LRRC4C: variants seen among roughly 807,000 people sequenced by gnomAD.
LRRC4C encodes leucine rich repeat containing 4C.
LRRC4C carries 5 observed loss-of-function variants against 33.6 expected under a neutral mutation model. The observed-to-expected ratio is 0.15, with a 90% CI of 0.08 to 0.31. The LOEUF is 0.31. Among genes scored for constraint, LRRC4C ranks in the 10% least tolerant of loss-of-function variants. The probability of loss-of-function intolerance (pLI) is 1.00; values close to 1 mark genes in which losing one functional copy is unlikely to be tolerated. For synonymous variants in LRRC4C, 329 were observed against 302.0 expected (o/e 1.09, Z -0.93); for missense variants, 560 against 796.7 (o/e 0.70, Z 3.58).
chr11:41,210,581 G>C (rs1311350129), intron 1 of LRRC4C, among the ~76,000 whole-genome samples: 3 of 151,966 alleles, frequency 2.0e-5, no homozygotes, highest in Non-Finnish European at 4.4e-5. Flanking sequence ...ATGATCCTTT[G>C]GTCATAATGG....
intron 3 of LRRC4C, among the ~76,000 whole-genome samples, chr11:40,420,499 A>G (rs1431574469): frequency 6.6e-6 from 1 of 152,016 alleles, no homozygotes; most frequent in Admixed American, 6.5e-5. Flanking sequence ...TCTGAACTCT[A>G]TCTCCATTTG....
rs11036273 is a variant in LRRC4C at position 41,179,457 on chromosome 11, G to A, written c.-495-245734C>T. On this transcript the variant is annotated intron_variant, in intron 1 of 6. Transcript: ENST00000528697. ...GCCTGATCTGGAAGCCAATTTCACC[G>A]TGGTTGCCTTCAGTAGTTTTCTGAC... Among the ~76,000 whole-genome samples the A allele has an allele frequency of 2.5e-3, 387 of 152,248 alleles. 15 individuals are homozygous for A. In the East Asian group the frequency reaches 0.061, roughly 24 times the overall value.
chr11:40,661,189 A>C (rs1360005108), intron 2 of LRRC4C, among the ~76,000 whole-genome samples: 1 of 151,868 alleles, frequency 6.6e-6, no homozygotes, highest in Non-Finnish European at 1.5e-5. Flanking sequence ...TATTGATTGC[A>C]AAAAGGAGAT....
intron 1 of LRRC4C, among the ~76,000 whole-genome samples, chr11:41,075,810 C>G (rs775609507): frequency 6.6e-6 from 1 of 152,152 alleles, no homozygotes; most frequent in Admixed American, 6.6e-5. Flanking sequence ...TCACCAACTG[C>G]GCTGTTGTCA....
At chr11:41,257,997 A>G (rs991776404) in intron 1 of LRRC4C, among the ~76,000 whole-genome samples, 5 of 152,036 alleles carry the variant, frequency 3.3e-5, no homozygotes, top group African/African-American at 4.8e-5. Flanking sequence ...TTAGAAAAAG[A>G]AAGAAAAGCC....
At chr11:40,436,875 C>A (rs1555058448) in intron 3 of LRRC4C, among the ~76,000 whole-genome samples, 1 of 151,940 alleles carries the variant, frequency 6.6e-6, no homozygotes, top group Non-Finnish European at 1.5e-5. Context: ...GCTTACTGAT[C>A]GAAAGCCTGA....
At chr11:40,733,590 T>G (rs936907997) in intron 2 of LRRC4C, among the ~76,000 whole-genome samples, 1 of 152,158 alleles carries the variant, frequency 6.6e-6, no homozygotes, top group African/African-American at 2.4e-5. Context: ...TCTCTTCTCT[T>G]TCATAAGGCT....
chr11:40,419,877 C>T (rs1348662824), intron 3 of LRRC4C, among the ~76,000 whole-genome samples: 1 of 152,146 alleles, frequency 6.6e-6, no homozygotes, highest in Non-Finnish European at 1.5e-5. Flanking sequence ...AAGTGAGCAT[C>T]TCAAAAGGTT....
At chr11:40,283,387 T>C (rs941489019) in intron 4 of LRRC4C, among the ~76,000 whole-genome samples, 4 of 152,120 alleles carry the variant, frequency 2.6e-5, no homozygotes, top group East Asian at 3.9e-4. Context: ...CTTCAAAAAA[T>C]GATAACTGCC....
chr11:41,390,648 T>C (rs1044729878), intron 1 of LRRC4C, among the ~76,000 whole-genome samples: 30 of 152,070 alleles, frequency 2.0e-4, no homozygotes, highest in African/African-American at 6.5e-4. Flanking sequence ...ATCATGTCCT[T>C]GAATGAACTT....
chr11:40,541,016 T>G (rs1956687161), intron 3 of LRRC4C, among the ~76,000 whole-genome samples: 1 of 152,144 alleles, frequency 6.6e-6, no homozygotes, highest in Non-Finnish European at 1.5e-5. Context: ...AATCAAACAC[T>G]TTATTACAGG....
intron 3 of LRRC4C, among the ~76,000 whole-genome samples, chr11:40,501,796 T>G (rs886712977): frequency 6.6e-5 from 10 of 152,196 alleles, no homozygotes; most frequent in African/African-American, 2.4e-4. Flanking sequence ...TCTTGGTGAT[T>G]AACACTCGTC....
At chr11:40,498,089 T>C (rs1954563631) in intron 3 of LRRC4C, among the ~76,000 whole-genome samples, 1 of 152,200 alleles carries the variant, frequency 6.6e-6, no homozygotes, top group Non-Finnish European at 1.5e-5. Flanking sequence ...TCTTAGCTTA[T>C]ACAGTTACTT....
intron 1 of LRRC4C, among the ~76,000 whole-genome samples, chr11:41,294,353 C>A: frequency 6.6e-6 from 1 of 152,176 alleles, no homozygotes; most frequent in Non-Finnish European, 1.5e-5. Flanking sequence ...AGACTTGGGG[C>A]TCTCACTTAC....
At chr11:40,425,143 C>G (rs546750374) in intron 3 of LRRC4C, among the ~76,000 whole-genome samples, 49 of 151,844 alleles carry the variant, frequency 3.2e-4, no homozygotes, top group African/African-American at 8.9e-4. Flanking sequence ...AAAAAAGAAC[C>G]CTTATGGTGG....
At chr11:41,314,095 G>A (rs1412812673) in intron 1 of LRRC4C, among the ~76,000 whole-genome samples, 2 of 152,086 alleles carry the variant, frequency 1.3e-5, no homozygotes, top group African/African-American at 4.8e-5. Context: ...GGGAAAGGGT[G>A]GAGAATGAAG....
intron 2 of LRRC4C, among the ~76,000 whole-genome samples, chr11:40,727,413 A>T (rs1263155938): frequency 6.6e-6 from 1 of 152,218 alleles, no homozygotes; most frequent in African/African-American, 2.4e-5. Context: ...ATAAAAAATT[A>T]ACTCAAGATG....
intron 2 of LRRC4C, among the ~76,000 whole-genome samples, chr11:40,857,229 C>T (rs1953833701): frequency 6.6e-6 from 1 of 152,146 alleles, no homozygotes; most frequent in South Asian, 2.1e-4. Flanking sequence ...TTCCAGGATA[C>T]ATGTGCAGGA....
intron 2 of LRRC4C, among the ~76,000 whole-genome samples, chr11:40,766,263 G>T (rs961933029): frequency 7.4e-5 from 10 of 135,656 alleles, no homozygotes; most frequent in African/African-American, 2.7e-4. Context: ...AGAGGGAAAT[G>T]AAGACTTTCC....
Sources: gnomAD v4.1 joint callset for allele counts (sites outside exome capture counted in the v4.1 genomes callset) on GRCh38, gnomAD v4.1.1 for gene constraint, MANE v1.5 for transcripts, NCBI Gene and HGNC (gene_info 2026-07-23, HGNC 2026-07-21) for gene names.